PIK3R3: variants seen among roughly 807,000 people sequenced by gnomAD.
PIK3R3 encodes phosphatidylinositol 3-kinase regulatory subunit gamma.
A neutral mutation model predicts 62.9 loss-of-function variants in PIK3R3; 64 were observed. The ratio of observed to expected loss-of-function variants is 1.02; its 90% CI spans 0.83 to 1.25. The LOEUF is 1.25. Among genes scored for constraint, PIK3R3 ranks in the 50% most tolerant of loss-of-function variants. PIK3R3 has a pLI of 0.00. For synonymous variants in PIK3R3, 165 were observed against 189.0 expected (o/e 0.87, Z 1.04); for missense variants, 614 against 561.6 (o/e 1.09, Z -0.94).
At chr1:46,053,991 A>C (rs1260906434) in intron 7 of PIK3R3, among the ~76,000 whole-genome samples, 1 of 152,150 alleles carries the variant, frequency 6.6e-6, no homozygotes, top group South Asian at 2.1e-4. Flanking sequence ...AGTATGCTAT[A>C]TACACTTGGC....
At chr1:46,056,077 G>A (rs1444008600) in intron 6 of PIK3R3, 106 bp from the exon 7 acceptor site, 55 of 663,976 alleles carry the variant, frequency 8.3e-5, no homozygotes, top group Non-Finnish European at 1.0e-4. Context: ...TTGAGATTGA[G>A]TCTCGCTCTG....
intron 1 of PIK3R3, among the ~76,000 whole-genome samples, chr1:46,090,339 TATTTA>T (rs1030734159): frequency 6.6e-5 from 10 of 151,840 alleles, no homozygotes; most frequent in Non-Finnish European, 1.0e-4. Context: ...TTTATTTATT[TATTTA>T]TTTTTTTGAG....
intron 1 of PIK3R3, 88 bp downstream of exon 1, chr1:46,131,759 A>T (rs760155086): frequency 2.3e-6 from 3 of 1,284,450 alleles, no homozygotes; most frequent in Non-Finnish European, 3.4e-6. Flanking sequence ...CGCACCCAGG[A>T]ATACTTCTGC....
At chr1:46,142,811 A>T in the PIK3R3 span, among the ~76,000 whole-genome samples, 1 of 152,218 alleles carries the variant, frequency 6.6e-6, no homozygotes, top group South Asian at 2.1e-4. Flanking sequence ...GAAGAGGCTT[A>T]TAAGTCAAGA....
chr1:46,157,033 C>G, the PIK3R3 span, among the ~76,000 whole-genome samples: 9 of 152,324 alleles, frequency 5.9e-5, no homozygotes, highest in East Asian at 1.7e-3. Context: ...AGTGATGGAA[C>G]AGTCACCTAT....
the PIK3R3 span, among the ~76,000 whole-genome samples, chr1:46,172,849 C>T: frequency 6.6e-6 from 1 of 151,856 alleles, no homozygotes. Context: ...AAAAATTAGC[C>T]AGGCATGGTG....
chr1:46,066,370 A>G (rs1648989835), intron 4 of PIK3R3, among the ~76,000 whole-genome samples, 191 bp from the exon 5 acceptor site: 1 of 152,232 alleles, frequency 6.6e-6, no homozygotes, highest in African/African-American at 2.4e-5. Flanking sequence ...TAATATTAAG[A>G]TCAGCCTTTA....
intron 3 of PIK3R3, among the ~76,000 whole-genome samples, chr1:46,067,613 A>G (rs952844691): frequency 6.6e-6 from 1 of 152,154 alleles, no homozygotes; most frequent in Non-Finnish European, 1.5e-5. Context: ...TAATGCACAA[A>G]CATAACTGAG....
the PIK3R3 span, among the ~76,000 whole-genome samples, chr1:46,147,015 T>C: frequency 6.6e-6 from 1 of 152,190 alleles, no homozygotes; most frequent in African/African-American, 2.4e-5. Context: ...GGGCAGGGAC[T>C]GGAGGGAGGG....
intron 9 of PIK3R3, among the ~76,000 whole-genome samples, chr1:46,045,116 C>A (rs887848921): frequency 6.6e-6 from 1 of 152,172 alleles, no homozygotes; most frequent in Admixed American, 6.5e-5. Flanking sequence ...TATTGTATTA[C>A]ACAGATTAAC....
intron 7 of PIK3R3, among the ~76,000 whole-genome samples, chr1:46,054,533 C>T (rs185396600): frequency 2.0e-5 from 3 of 151,960 alleles, no homozygotes; most frequent in East Asian, 1.9e-4. Flanking sequence ...CTATGGAAAA[C>T]CCAGATTCAG....
intron 1 of PIK3R3, among the ~76,000 whole-genome samples, chr1:46,084,404 C>T (rs1409774773): frequency 6.6e-6 from 1 of 152,156 alleles, no homozygotes; most frequent in Non-Finnish European, 1.5e-5. Context: ...AACTGCATGG[C>T]ATGTGAATTA....
chr1:46,084,711 G>A (rs1650906422), intron 1 of PIK3R3, among the ~76,000 whole-genome samples: 1 of 152,126 alleles, frequency 6.6e-6, no homozygotes, highest in African/African-American at 2.4e-5. Flanking sequence ...GCACTCAAAA[G>A]AACAAATCCA....
chr1:46,150,712 T>C, the PIK3R3 span, among the ~76,000 whole-genome samples: 36 of 152,036 alleles, frequency 2.4e-4, no homozygotes, highest in Non-Finnish European at 4.4e-5. Context: ...AATTATTGGC[T>C]CTTCCCTCCC....
upstream of PIK3R3, among the ~76,000 whole-genome samples, chr1:46,134,354 A>G (rs80173885): frequency 3.5e-3 from 527 of 152,326 alleles, 3 homozygotes; most frequent in African/African-American, 0.012. Flanking sequence ...CAAAATGTAT[A>G]TGGACTGGGT....
intron 2 of PIK3R3, 42 bp downstream of exon 2, chr1:46,080,598 ACT>A: frequency 7.7e-7 from 1 of 1,299,484 alleles, no homozygotes; most frequent in Non-Finnish European, 1.1e-6. Context: ...CTCAAAAATG[ACT>A]TTTTAAAAAA....
At chr1:46,079,816 T>G (rs908333654) in intron 2 of PIK3R3, among the ~76,000 whole-genome samples, 1 of 151,776 alleles carries the variant, frequency 6.6e-6, no homozygotes, top group Non-Finnish European at 1.5e-5. Flanking sequence ...TAGCAGGGTA[T>G]GGTGATGCAT....
intron 2 of PIK3R3, among the ~76,000 whole-genome samples, chr1:46,078,455 T>C (rs774171473): frequency 1.6e-4 from 25 of 152,116 alleles, no homozygotes; most frequent in Non-Finnish European, 3.1e-4. Context: ...GACAGGGGAA[T>C]CACTTGAACC....
the PIK3R3 span, among the ~76,000 whole-genome samples, chr1:46,173,256 C>T: frequency 2.6e-5 from 4 of 152,170 alleles, no homozygotes; most frequent in African/African-American, 7.2e-5. Context: ...AGAACATCAT[C>T]GCAAACGGAG....
Sources: gnomAD v4.1 joint callset for allele counts (sites outside exome capture counted in the v4.1 genomes callset) on GRCh38, gnomAD v4.1.1 for gene constraint, MANE v1.5 for transcripts, NCBI Gene and HGNC (gene_info 2026-07-23, HGNC 2026-07-21) for gene names.